CMSS1: variants seen among roughly 807,000 people sequenced by gnomAD.
CMSS1 encodes the protein cms1 ribosomal small subunit homolog.
CMSS1 carries 33 observed loss-of-function variants against 43.5 expected under a neutral mutation model. That is an observed-to-expected ratio of 0.76 (90% confidence interval 0.57 to 1.01). The LOEUF (loss-of-function observed/expected upper bound fraction) is 1.01, where lower values mean the gene tolerates loss of function less well. Ranked by LOEUF, CMSS1 falls within the 50% of genes least tolerant of loss-of-function variation. CMSS1 has a pLI of 0.00. For missense variants in CMSS1, 313 were observed against 326.4 expected, an observed-to-expected ratio of 0.96 and a Z score of 0.32; for synonymous variants, 115 against 117.2, an observed-to-expected ratio of 0.98 and a Z score of 0.12.
intron 1 of CMSS1, chr3:99,833,303 TATTAA>T (rs772610442): frequency 9.8e-6 from 15 of 1,531,218 alleles, no homozygotes; most frequent in Middle Eastern, 1.7e-4. Flanking sequence ...TTGTGGAATA[TATTAA>T]ATTCTAAAAG....
chr3:99,909,101 A>C (rs1706712380), intron 1 of CMSS1, among the ~76,000 whole-genome samples: 1 of 152,238 alleles, frequency 6.6e-6, no homozygotes, highest in Non-Finnish European at 1.5e-5. Flanking sequence ...CAAATGTTCT[A>C]GTGCAGCATT....
At chr3:99,961,620 A>G (rs111809739) in intron 1 of CMSS1, among the ~76,000 whole-genome samples, 1 of 152,300 alleles carries the variant, frequency 6.6e-6, no homozygotes, top group African/African-American at 2.4e-5. Flanking sequence ...GGAGCTGGAA[A>G]GGCTCCTGGG....
intron 1 of CMSS1, among the ~76,000 whole-genome samples, chr3:99,980,285 A>G (rs1184559420): frequency 3.9e-5 from 6 of 152,124 alleles, no homozygotes; most frequent in African/African-American, 1.2e-4. Flanking sequence ...GTGACTTTGG[A>G]CAAGTTACTT....
In CMSS1 at chr3:100,181,647, C is replaced by T. The variant is rs1001376159; in HGVS notation, c.*3259C>T. Reference sequence around the variant, plus strand: ...CTTCACACTTTTGAACAGTATCCATCGTGTATTTTGTAGAATGTCCTTCAA... The same window carrying T: ...CTTCACACTTTTGAACAGTATCCATTGTGTATTTTGTAGAATGTCCTTCAA... On this transcript the variant is annotated 3_prime_UTR_variant, in exon 10 of 10. Coordinates refer to ENST00000421999, the MANE Select transcript of CMSS1 (RefSeq NM_032359.4). The T allele has an allele frequency of 5.3e-5, 8 of 152,140 alleles. No individual in the cohort carries two copies. Among genetic ancestry groups the T allele is most frequent in the African/African-American group, 1.2e-4 (5 of 41,418 alleles). The allele number at this position is 152,140 out of a possible 1,614,324, so 9.4% of individuals were successfully genotyped here.
chr3:100,151,057 T>A (rs2066903339), intron 2 of CMSS1, among the ~76,000 whole-genome samples: 1 of 152,174 alleles, frequency 6.6e-6, no homozygotes, highest in African/African-American at 2.4e-5. Flanking sequence ...CTTCTTGCTC[T>A]CCTTTCTCTA....
intron 1 of CMSS1, among the ~76,000 whole-genome samples, chr3:99,875,317 GATTA>G (rs1705456475): frequency 6.6e-6 from 1 of 152,118 alleles, no homozygotes; most frequent in South Asian, 2.1e-4. Flanking sequence ...AAATGTTACT[GATTA>G]ATACAGTTAC....
At chr3:100,171,601 G>T (rs1177476504) in intron 6 of CMSS1, among the ~76,000 whole-genome samples, 3 of 152,192 alleles carry the variant, frequency 2.0e-5, no homozygotes, top group Non-Finnish European at 4.4e-5. Context: ...CCTAAGTAAG[G>T]TTGACCTTGT....
chr3:100,020,396 A>G (rs1382432996), intron 1 of CMSS1, among the ~76,000 whole-genome samples: 1 of 152,222 alleles, frequency 6.6e-6, no homozygotes, highest in African/African-American at 2.4e-5. Flanking sequence ...TGTTTGCACT[A>G]GAAAGCCAAA....
At chr3:99,979,293 C>G (rs928146051) in intron 1 of CMSS1, among the ~76,000 whole-genome samples, 6 of 152,120 alleles carry the variant, frequency 3.9e-5, no homozygotes, top group Non-Finnish European at 8.8e-5. Context: ...TTATTATGTT[C>G]TCTCTTTATG....
intron 1 of CMSS1, among the ~76,000 whole-genome samples, chr3:99,893,311 G>T (rs1469248307): frequency 6.6e-6 from 1 of 151,694 alleles, no homozygotes; most frequent in Non-Finnish European, 1.5e-5. Context: ...GACTACAGGC[G>T]CCTGCCACCA....
chr3:99,865,187 T>C (rs1030092020), intron 1 of CMSS1, among the ~76,000 whole-genome samples: 8 of 152,186 alleles, frequency 5.3e-5, no homozygotes, highest in African/African-American at 9.7e-5. Flanking sequence ...CAAACAGTCA[T>C]AGGAGGCAGG....
At chr3:100,024,067 G>A (rs1443790172) in intron 1 of CMSS1, among the ~76,000 whole-genome samples, 1 of 152,084 alleles carries the variant, frequency 6.6e-6, no homozygotes, top group Admixed American at 6.6e-5. Context: ...GTGTCTGTGT[G>A]TCCCTTCCTC....
At chr3:100,084,296 C>T (rs534836781) in intron 1 of CMSS1, among the ~76,000 whole-genome samples, 1 of 152,176 alleles carries the variant, frequency 6.6e-6, no homozygotes, top group South Asian at 2.1e-4. Flanking sequence ...TTTTCACTAG[C>T]CCATTGAGTA....
intron 1 of CMSS1, chr3:100,010,088 T>C: frequency 1.5e-6 from 1 of 653,808 alleles, no homozygotes; most frequent in Non-Finnish European, 1.9e-6. Flanking sequence ...TTGAGTACCA[T>C]ACCAAGTTCT....
chr3:99,848,198 G>A (rs1266274145), intron 1 of CMSS1: 17 of 1,564,700 alleles, frequency 1.1e-5, no homozygotes, highest in Non-Finnish European at 1.5e-5. Context: ...AGTCTTGGGG[G>A]ATATGGAGGG....
intron 1 of CMSS1, among the ~76,000 whole-genome samples, chr3:99,837,333 A>T (rs1366906071): frequency 6.6e-6 from 1 of 152,000 alleles, no homozygotes; most frequent in Non-Finnish European, 1.5e-5. Flanking sequence ...TGGTTTTCTG[A>T]GGCTTCAAAA....
At chr3:99,959,713 G>C (rs1043808394) in intron 1 of CMSS1, among the ~76,000 whole-genome samples, 1 of 152,198 alleles carries the variant, frequency 6.6e-6, no homozygotes, top group Non-Finnish European at 1.5e-5. Context: ...CCAATAAATA[G>C]AGCAATAATG....
At chr3:99,983,621 C>G (rs371504094) in intron 1 of CMSS1, among the ~76,000 whole-genome samples, 2 of 144,666 alleles carry the variant, frequency 1.4e-5, no homozygotes, top group Non-Finnish European at 3.0e-5. Flanking sequence ...ACCGGGGAGG[C>G]GGAGGTTGCC....
At chr3:100,118,319 T>C (rs1030475276) in intron 1 of CMSS1, among the ~76,000 whole-genome samples, 3 of 152,028 alleles carry the variant, frequency 2.0e-5, no homozygotes, top group African/African-American at 4.8e-5. Flanking sequence ...CGGCTTATAT[T>C]ATATCTCTAT....
Sources: allele counts gnomAD v4.1 joint callset (sites outside exome capture counted in the v4.1 genomes callset), GRCh38; gene constraint gnomAD v4.1.1; transcripts MANE v1.5; gene names NCBI Gene and HGNC (gene_info 2026-07-23, HGNC 2026-07-21).